The following ZNF124 variants were observed in gnomAD, a reference collection of about 807,000 sequenced individuals.
The protein encoded by ZNF124 is zinc finger protein HZF-16.
In ZNF124, 25 loss-of-function variants were observed where a neutral mutation model predicts 26.6. The ratio of observed to expected loss-of-function variants is 0.94; its 90% CI spans 0.68 to 1.31. The LOEUF (loss-of-function observed/expected upper bound fraction) is 1.31. Among genes scored for constraint, ZNF124 ranks in the 40% most tolerant of loss-of-function variants. The pLI is 0.00. For missense variants in ZNF124, 444 were observed against 422.2 expected, an observed-to-expected ratio of 1.05 and a Z score of -0.45; for synonymous variants, 129 against 133.3, an observed-to-expected ratio of 0.97 and a Z score of 0.22.
intron 1 of ZNF124, among the ~76,000 whole-genome samples, chr1:247,165,903 C>T (rs1301849429): frequency 6.6e-6 from 1 of 152,136 alleles, no homozygotes; most frequent in Non-Finnish European, 1.5e-5. Context: ...ATAGCCTGGG[C>T]AGGGTGGTTC....
chr1:247,158,795 A>C (rs561900122), intron 3 of ZNF124, among the ~76,000 whole-genome samples: 17 of 152,074 alleles, frequency 1.1e-4, no homozygotes, highest in African/African-American at 4.1e-4. Context: ...ACACTGGGCT[A>C]ATTTTGTATT....
chr1:247,156,929 C>A lies in ZNF124; in HGVS notation c.693G>T (p.Glu231Asp). ...CACATTCCATGCACACATAAGGTTT[C>A]TCTCCAGTGTGAGTTCTTTCATGGT... is the stretch of plus-strand genomic sequence containing the variant. ...LHYHERTHTG[E>D]KPYVCMECGK... The change falls in exon 4 of 4, where the codon GAG (glutamate) becomes GAT (aspartate). Residue 231 changes from glutamate to aspartate, a missense_variant. By Grantham distance (45) the Glu-to-Asp change is conservative. Coordinates refer to ENST00000543802, the MANE Select transcript of ZNF124 (RefSeq NM_001297568.2). The A allele has an allele frequency of 2.5e-6, 4 of 1,613,646 alleles. No homozygotes were observed. The highest frequency in any genetic ancestry group is 3.4e-6 in the Non-Finnish European group (4 of 1,179,800).
At chr1:247,160,997 A>G (rs1215561288) in intron 1 of ZNF124, among the ~76,000 whole-genome samples, 2 of 152,214 alleles carry the variant, frequency 1.3e-5, no homozygotes, top group Non-Finnish European at 2.9e-5. Context: ...AAAAAACTCA[A>G]TGTCATCTAG....
At chr1:247,158,632 T>A (rs1313627826) in intron 3 of ZNF124, among the ~76,000 whole-genome samples, 1 of 147,786 alleles carries the variant, frequency 6.8e-6, no homozygotes, top group Non-Finnish European at 1.5e-5. Flanking sequence ...GTTTGCTTGG[T>A]TTTTTTTTTT....
chr1:247,140,677 G>T (rs1672603904), intron 3 of ZNF124, among the ~76,000 whole-genome samples: 1 of 152,144 alleles, frequency 6.6e-6, no homozygotes, highest in African/African-American at 2.4e-5. Context: ...CCAAGGCTTT[G>T]TGCAGGGTCT....
downstream of ZNF124, among the ~76,000 whole-genome samples, chr1:247,153,819 G>A (rs1467814512): frequency 2.0e-5 from 3 of 152,142 alleles, no homozygotes; most frequent in Non-Finnish European, 2.9e-5. Flanking sequence ...TTAGAATGCT[G>A]GTGAGCAGCC....
In ZNF124 at chr1:247,155,520, A is replaced by G. The variant is rs1673076124; in HGVS notation, c.*1046T>C. Among the ~76,000 whole-genome samples the G allele has an allele frequency of 6.6e-6, 1 of 152,204 alleles. No homozygotes were observed. The highest frequency in any genetic ancestry group is 2.4e-5 in the African/African-American group (1 of 41,466). ...AAATTTATTTACCAGCTTAAAAAAGAAGAATACATATTTAACTCTTGTACT... is the reference window on the plus strand; with the variant it reads ...AAATTTATTTACCAGCTTAAAAAAGGAGAATACATATTTAACTCTTGTACT... On this transcript the variant is annotated 3_prime_UTR_variant, in exon 4 of 4. Transcript: ENST00000543802.
At chr1:247,160,273 C>G (rs61837910) in intron 1 of ZNF124, among the ~76,000 whole-genome samples, 14,022 of 152,256 alleles carry the variant, frequency 0.092, 910 homozygotes, top group South Asian at 0.19. Context: ...CGTGAGCCAC[C>G]GCGCTCAGCC....
At chr1:247,126,122 A>G (rs1162448674) in intron 3 of ZNF124, among the ~76,000 whole-genome samples, 1 of 152,030 alleles carries the variant, frequency 6.6e-6, no homozygotes, top group Admixed American at 6.5e-5. Context: ...TTATTATTAT[A>G]TTGTACCCTA....
intron 3 of ZNF124, among the ~76,000 whole-genome samples, chr1:247,147,747 T>A (rs74152943): frequency 0.033 from 5,036 of 152,242 alleles, 288 homozygotes; most frequent in African/African-American, 0.11. Flanking sequence ...CACACTCTTC[T>A]ACCTGTCTCC....
chr1:247,159,551 T>G, intron 2 of ZNF124, 136 bp downstream of exon 2: 1 of 800,682 alleles, frequency 1.2e-6, no homozygotes, highest in Non-Finnish European at 1.9e-6. Flanking sequence ...GAAACAAGAG[T>G]CATTGCACAC....
chr1:247,150,636 CAA>C (rs1329685955), downstream of ZNF124, among the ~76,000 whole-genome samples: 3 of 150,692 alleles, frequency 2.0e-5, no homozygotes, highest in African/African-American at 7.3e-5. Context: ...TTAAATAAAA[CAA>C]AAAACATTTA....
intron 3 of ZNF124, chr1:247,138,457 G>C (rs935463297): frequency 3.3e-5 from 9 of 276,274 alleles, no homozygotes; most frequent in Non-Finnish European, 6.1e-5. Context: ...CACACACCAG[G>C]GGCTGTTGGG....
intron 3 of ZNF124, among the ~76,000 whole-genome samples, chr1:247,135,058 A>G (rs891143535): frequency 3.9e-5 from 6 of 152,236 alleles, no homozygotes; most frequent in Non-Finnish European, 8.8e-5. Flanking sequence ...ATGAGAACAA[A>G]GAGACAATGT....
downstream of ZNF124, among the ~76,000 whole-genome samples, chr1:247,154,363 C>T (rs551681704): frequency 3.9e-5 from 6 of 152,100 alleles, no homozygotes; most frequent in Non-Finnish European, 8.8e-5. Context: ...GTGAAGATGC[C>T]TTGCTTCCCC....
chr1:247,172,130 T>TGTCACCCCTCA (rs1367413227), upstream of ZNF124: 791 of 118,090 alleles, frequency 6.7e-3, 8 homozygotes, highest in African/African-American at 0.024. Context: ...AGACTCTTAG[T>TGTCACCCCTCA]GACAGGTGAC....
rs1673925471 is a variant in ZNF124 at position 247,168,806 on chromosome 1, G to A, written c.30+3042C>T. 6.6e-6 allele frequency among the ~76,000 whole-genome samples: 1 copy of A among 152,016 alleles called. No homozygotes were observed. Among genetic ancestry groups the A allele is most frequent in the African/African-American group, 2.4e-5 (1 of 41,414 alleles). ...CACTTATAAGTGGGAGCTAAGCTAT[G>A]AGGTTACAAAGGCATAAGAATGATA... On this transcript the variant is annotated intron_variant, in intron 1 of 3. Transcript: ENST00000543802. The surrounding 1 kb of genome is among the most constrained non-coding windows in gnomAD (Gnocchi z 4.0).
chr1:247,123,417 G>A (rs144471037), exon 4 of ZNF124: 480 of 154,808 alleles, frequency 3.1e-3, no homozygotes, highest in Middle Eastern at 9.9e-3. Flanking sequence ...GGATGGTCTC[G>A]ATCTCCTGAC....
chr1:247,164,714 T>C (rs1673680947), intron 1 of ZNF124, among the ~76,000 whole-genome samples: 1 of 152,186 alleles, frequency 6.6e-6, no homozygotes, highest in Non-Finnish European at 1.5e-5. Flanking sequence ...TTAGATTCAA[T>C]GCTATTCCTA....
Sources: allele counts gnomAD v4.1 joint callset (sites outside exome capture counted in the v4.1 genomes callset), GRCh38; gene constraint gnomAD v4.1.1; non-coding constraint Gnocchi (gnomAD v3.1); transcripts MANE v1.5; gene names NCBI Gene and HGNC (gene_info 2026-07-23, HGNC 2026-07-21).